Variants in IL12RB1 observed in about 807,000 individuals in gnomAD.
IL12RB1 encodes interleukin 12 receptor subunit beta 1.
IL12RB1 carries 64 observed loss-of-function variants against 94.4 expected under a neutral mutation model. That is an observed-to-expected ratio of 0.68 (90% CI 0.55 to 0.83). The LOEUF (loss-of-function observed/expected upper bound fraction) is 0.83, where lower values mean the gene tolerates loss of function less well. Ranked by LOEUF, IL12RB1 falls within the 40% of genes least tolerant of loss-of-function variation. IL12RB1 has a pLI of 0.00. For missense variants in IL12RB1, 814 were observed against 855.6 expected, an observed-to-expected ratio of 0.95 and a Z score of 0.61; for synonymous variants, 362 against 355.5, an observed-to-expected ratio of 1.02 and a Z score of -0.21.
At chr19:18,061,592 A>G (rs963210566) in intron 14 of IL12RB1, among the ~76,000 whole-genome samples, 1 of 152,114 alleles carries the variant, frequency 6.6e-6, no homozygotes, top group Non-Finnish European at 1.5e-5. Context: ...GGGAATGACC[A>G]AGGACCCAAA....
intron 6 of IL12RB1, 39 bp from the exon 7 acceptor site, chr19:18,075,907 G>A (rs1477794048): frequency 6.2e-7 from 1 of 1,605,734 alleles, no homozygotes; most frequent in Admixed American, 1.7e-5. Flanking sequence ...CGTAAGAATT[G>A]TCCAGGACTT....
upstream of IL12RB1, among the ~76,000 whole-genome samples, chr19:18,087,279 C>T (rs2146514042): frequency 6.6e-6 from 1 of 151,424 alleles, no homozygotes; most frequent in African/African-American, 2.4e-5. Flanking sequence ...GCATGATCTC[C>T]ACTCACTGCA....
rs771664229 is a variant in IL12RB1, at chr19:18,083,428, G to A, written c.124+4C>T. On this transcript the variant is annotated splice_donor_region_variant and intron_variant, in intron 2 of 16. Coordinates refer to ENST00000593993, the MANE Select transcript of IL12RB1 (RefSeq NM_005535.3). ...TCAGCCAACAATGAGGAACTGCCCC[G>A]AACCTGAGTCTGCATCCGGATATGG... 35 of 1,613,888 alleles carry A rather than the reference G, an allele frequency of 2.2e-5. No individual in the cohort carries two copies. Among genetic ancestry groups the A allele is most frequent in the Middle Eastern group, 1.7e-4 (1 of 6,036 alleles).
chr19:18,079,710 C>G (rs866852115), intron 4 of IL12RB1, among the ~76,000 whole-genome samples: 3 of 151,114 alleles, frequency 2.0e-5, no homozygotes, highest in Non-Finnish European at 4.4e-5. Context: ...GAGATCGAGA[C>G]CACGGTGAAA....
chr19:18,073,569 G>C lies in IL12RB1; in HGVS notation c.731C>G (p.Ser244Trp). 6.2e-7 allele frequency: 1 copy of C among 1,612,672 alleles called. No homozygotes were observed. The highest frequency in any genetic ancestry group is 8.5e-7 in the Non-Finnish European group (1 of 1,178,882). ...CCCATCCTGGCCCAGCTGCTCCACC[G>C]AGAATCTCACCTGAGGCTGTGGGGG... ...ENPPQPQVRF[S>W]VEQLGQDGRR... The change falls in exon 8 of 17, where the codon TCG (serine) becomes TGG (tryptophan). Residue 244 changes from serine (S) to tryptophan (W), a missense_variant. Physicochemically the swap from Ser to Trp is radical, Grantham distance 177 (BLOSUM62 -3). Coordinates refer to ENST00000593993, the MANE Select transcript of IL12RB1 (RefSeq NM_005535.3).
rs1491226138 is a variant in IL12RB1 at position 18,084,696 on chromosome 19, T to TA, written c.65-1206_65-1205insT. ...ATCCATCCATCCATCCATCCATCCA[T>TA]CCATACATACATACATGTATTTATT... is the stretch of plus-strand genomic sequence containing the variant. On this transcript the variant is annotated intron_variant, in intron 1 of 16. Coordinates refer to ENST00000593993, the MANE Select transcript of IL12RB1 (RefSeq NM_005535.3). 2.3e-3 allele frequency among the ~76,000 whole-genome samples: 75 copies of TA among 32,732 alleles called. No individual in the cohort carries two copies. The East Asian group carries it at 0.032, about 14-fold the overall frequency. The allele number at this position is 32,732 out of a possible 152,430, so 21.5% of individuals were successfully genotyped here.
At chr19:18,063,076 C>CTTTTTTTTT (rs1345434373) in intron 13 of IL12RB1, among the ~76,000 whole-genome samples, 3 of 75,180 alleles carry the variant, frequency 4.0e-5, no homozygotes, top group African/African-American at 6.5e-5. Context: ...TCTTCTTCTT[C>CTTTTTTTTT]TATTTTTTTT....
At chr19:18,097,924 T>TGTAGGGAAACTGAGGCAGAGG in intron 1 of IL12RB1, 1 of 1,032,268 alleles carries the variant, frequency 9.7e-7, no homozygotes. Context: ...CTTCACGGGC[T>TGTAGGGAAACTGAGGCAGAGG]GTAGGGAAAC....
upstream of IL12RB1, among the ~76,000 whole-genome samples, chr19:18,088,025 G>C (rs2036450810): frequency 6.6e-6 from 1 of 152,040 alleles, no homozygotes; most frequent in Non-Finnish European, 1.5e-5. Context: ...AGGTCGAGGT[G>C]GGAGGATCAC....
intron 6 of IL12RB1, 125 bp from the exon 7 acceptor site, chr19:18,075,993 T>C: frequency 2.1e-6 from 2 of 938,042 alleles, no homozygotes; most frequent in Non-Finnish European, 3.5e-6. Flanking sequence ...TCCTGGGGGC[T>C]CAGCAGAAGC....
rs754507050 is a variant in IL12RB1, at chr19:18,059,565, C to A, written c.*43G>T. 4 of 778,616 alleles carry A rather than the reference C, an allele frequency of 5.1e-6. No homozygotes were observed. The highest frequency in any genetic ancestry group is 9.6e-6 in the Non-Finnish European group (4 of 417,052). The allele number at this position is 778,616 out of a possible 1,614,324, so 48.2% of individuals were successfully genotyped here. A position where few individuals can be genotyped will look rare whatever the true frequency, so the allele number is the denominator to read the frequency against. The stretch of plus-strand genomic sequence containing the variant: ...CCAAATGTGACTCCTGTGTGTGCTA[C>A]GTAGCCTCGGGCGAGTCACTCACCC... On this transcript the variant is annotated 3_prime_UTR_variant, in exon 17 of 17. Transcript: ENST00000593993.
intron 9 of IL12RB1, among the ~76,000 whole-genome samples, chr19:18,071,700 T>C (rs453263): frequency 0.28 from 42,173 of 151,826 alleles, 6,172 homozygotes; most frequent in East Asian, 0.37. Flanking sequence ...GACACAGTCT[T>C]GCTCTTTGTT....
At chr19:18,080,800 A>C (rs1195074849) in intron 4 of IL12RB1, 32 bp downstream of exon 4, 10 of 1,527,162 alleles carry the variant, frequency 6.5e-6, no homozygotes, top group Non-Finnish European at 9.1e-6. Flanking sequence ...TCTCTGGGTA[A>C]AAAACGGACG....
chr19:18,068,241 G>T (rs1340139697), intron 11 of IL12RB1, 148 bp downstream of exon 11: 2 of 525,344 alleles, frequency 3.8e-6, no homozygotes, highest in Non-Finnish European at 6.6e-6. Context: ...GGCCAGGCTG[G>T]TTTCAAACTC....
At chr19:18,064,144 T>C (rs2034390319) in intron 12 of IL12RB1, 134 bp from the exon 13 acceptor site, 6 of 591,124 alleles carry the variant, frequency 1.0e-5, no homozygotes, top group African/African-American at 5.8e-5. Flanking sequence ...CTTTCTTTTT[T>C]TTTTTTTTTT....
intron 2 of IL12RB1, 130 bp downstream of exon 2, chr19:18,083,302 G>C: frequency 1.2e-6 from 1 of 866,386 alleles, no homozygotes; most frequent in Non-Finnish European, 2.0e-6. Context: ...TGGTGGGGTG[G>C]GGACTCCCAA....
chr19:18,079,714 G>T (rs938658858), intron 4 of IL12RB1, among the ~76,000 whole-genome samples: 2 of 151,880 alleles, frequency 1.3e-5, no homozygotes, highest in South Asian at 4.2e-4. Flanking sequence ...TCGAGACCAC[G>T]GTGAAACCCC....
Position 18,063,078 on chromosome 19 carries a change from A to ATTTT in IL12RB1, c.1618+794_1618+797dup, listed in dbSNP as rs67262412. On this transcript the variant is annotated intron_variant, in intron 13 of 16. Transcript: ENST00000593993. The stretch of plus-strand genomic sequence containing the variant: ...TCTTTCTTCTCCTTCTTCTTCTTCT[A>ATTTT]TTTTTTTTTTTTTTTTTTTTTTTTT... Among the ~76,000 whole-genome samples the ATTTT allele has an allele frequency of 4.1e-3, 212 of 51,478 alleles. 26 individuals are homozygous for ATTTT. The highest frequency in any genetic ancestry group is 7.8e-3 in the East Asian group (11 of 1,404). 33.8% of individuals were successfully genotyped at this position (51,478 alleles called of 152,430 possible). A position where few individuals can be genotyped will look rare whatever the true frequency, so the allele number is the denominator to read the frequency against.
At chr19:18,067,471 C>T (rs942969649) in intron 11 of IL12RB1, among the ~76,000 whole-genome samples, 8 of 151,938 alleles carry the variant, frequency 5.3e-5, no homozygotes, top group Admixed American at 3.3e-4. Context: ...CAGTCACTGT[C>T]ATTTCCCTTC....
Sources: allele counts gnomAD v4.1 joint callset (sites outside exome capture counted in the v4.1 genomes callset), GRCh38; gene constraint gnomAD v4.1.1; transcripts MANE v1.5; gene names NCBI Gene and HGNC (gene_info 2026-07-23, HGNC 2026-07-21).